Variants in ATP9A observed in about 807,000 individuals in gnomAD.
The protein encoded by ATP9A is probable phospholipid-transporting ATPase IIA.
ATP9A carries 52 observed loss-of-function variants against 144.1 expected under a neutral mutation model. The ratio of observed to expected loss-of-function variants is 0.36; its 90% CI spans 0.29 to 0.45. ATP9A has a LOEUF of 0.45. Ranked by LOEUF, ATP9A falls within the 20% of genes least tolerant of loss-of-function variation. The pLI is 1.00. For synonymous variants in ATP9A, 582 were observed against 557.4 expected (o/e 1.04, Z -0.62); for missense variants, 947 against 1,392.7 (o/e 0.68, Z 5.09).
At chr20:51,747,020 A>G (rs2077811548) in intron 1 of ATP9A, among the ~76,000 whole-genome samples, 1 of 152,048 alleles carries the variant, frequency 6.6e-6, no homozygotes, top group African/African-American at 2.4e-5. Context: ...AAAAGAGAAA[A>G]GAAAAAGGAG....
intron 19 of ATP9A, among the ~76,000 whole-genome samples, chr20:51,620,295 G>A (rs2077221436): frequency 6.6e-6 from 1 of 152,126 alleles, no homozygotes; most frequent in Non-Finnish European, 1.5e-5. Flanking sequence ...CTAGCACATA[G>A]GTCATTAGTT....
At chr20:51,753,762 G>A (rs763853432) in intron 1 of ATP9A, among the ~76,000 whole-genome samples, 15 of 150,318 alleles carry the variant, frequency 1.0e-4, no homozygotes, top group African/African-American at 3.7e-4. Flanking sequence ...CGCCTCCCAG[G>A]TTCAAGCAAT....
chr20:51,669,879 C>G (rs891269669), intron 13 of ATP9A, 118 bp downstream of exon 13: 1 of 727,446 alleles, frequency 1.4e-6, no homozygotes, highest in African/African-American at 1.8e-5. Flanking sequence ...TAAAAAAAAA[C>G]AATGAATTGT....
intron 7 of ATP9A, among the ~76,000 whole-genome samples, chr20:51,692,653 T>C (rs999228470): frequency 3.3e-5 from 5 of 151,988 alleles, no homozygotes; most frequent in African/African-American, 1.2e-4. Flanking sequence ...AATACAAATA[T>C]TAGCCGGGCG....
At chr20:51,621,813 G>A (rs2077228020) in intron 19 of ATP9A, among the ~76,000 whole-genome samples, 1 of 151,986 alleles carries the variant, frequency 6.6e-6, no homozygotes, top group Non-Finnish European at 1.5e-5. Flanking sequence ...CTTCTCAAAG[G>A]GACCACGACC....
At chr20:51,603,869 C>T (rs181361236) in intron 27 of ATP9A, among the ~76,000 whole-genome samples, 53 of 152,328 alleles carry the variant, frequency 3.5e-4, no homozygotes, top group African/African-American at 1.2e-3. Context: ...CAACCTTCGC[C>T]TCCCGGGTTC....
At chr20:51,622,862 G>A (rs951771823) in intron 18 of ATP9A, among the ~76,000 whole-genome samples, 27 of 152,156 alleles carry the variant, frequency 1.8e-4, no homozygotes, top group Admixed American at 2.6e-4. Flanking sequence ...GCTGGGAGCA[G>A]TCTTGGGGCT....
intron 1 of ATP9A, among the ~76,000 whole-genome samples, chr20:51,751,513 C>T (rs985805387): frequency 6.6e-6 from 1 of 152,078 alleles, no homozygotes; most frequent in Non-Finnish European, 1.5e-5. Context: ...CCTCCCACCT[C>T]CGCCTCTCAA....
chr20:51,712,792 G>A (rs758690471), intron 4 of ATP9A, among the ~76,000 whole-genome samples, 174 bp downstream of exon 4: 175 of 152,192 alleles, frequency 1.1e-3, no homozygotes, highest in Non-Finnish European at 2.0e-3. Context: ...GTGGGACCCC[G>A]TCAACCTGTC....
chr20:51,651,282 A>ATATATTATATAAT (rs1568803490), intron 14 of ATP9A, among the ~76,000 whole-genome samples: 18 of 83,862 alleles, frequency 2.1e-4, no homozygotes, highest in Non-Finnish European at 4.1e-4. Flanking sequence ...ATATTTACAT[A>ATATATTATATAAT]ATATATTATA....
At chr20:51,677,528 C>T (rs950283470) in intron 9 of ATP9A, among the ~76,000 whole-genome samples, 48 of 152,244 alleles carry the variant, frequency 3.2e-4, no homozygotes, top group African/African-American at 9.1e-4. Flanking sequence ...TGGGGAAAGG[C>T]GTGGCTTGCC....
chr20:51,618,707 C>T lies in ATP9A; in HGVS notation c.2305G>A (p.Val769Met), dbSNP rs188019595. 6.8e-6 allele frequency: 11 copies of T among 1,613,338 alleles called. No individual in the cohort carries two copies. The highest frequency in any genetic ancestry group is 2.2e-5 in the East Asian group (1 of 44,880). The change falls in exon 21 of 28, where the codon GTG (valine) becomes ATG (methionine). Residue 769 changes from valine to methionine, a missense_variant. Coordinates refer to ENST00000338821, the MANE Select transcript of ATP9A (RefSeq NM_006045.3). ...RCAPTQKAQI[V>M]RLLQERTGKL... ...CCCGTGCGCTCCTGAAGCAGGCGCA[C>T]GATCTGGGCCTTCTGGGTGGGGGCA...
chr20:51,653,225 A>G (rs1161172555), intron 14 of ATP9A, among the ~76,000 whole-genome samples: 3 of 152,088 alleles, frequency 2.0e-5, no homozygotes, highest in African/African-American at 7.2e-5. Context: ...TAGAAAAACA[A>G]GACAAATCTG....
At chr20:51,631,520 T>C (rs2077269859) in intron 15 of ATP9A, among the ~76,000 whole-genome samples, 3 of 152,200 alleles carry the variant, frequency 2.0e-5, no homozygotes, top group South Asian at 4.1e-4. Flanking sequence ...TTCTGTCCAA[T>C]ATAAATACCG....
chr20:51,614,163 A>AT (rs2077194525), intron 22 of ATP9A, among the ~76,000 whole-genome samples: 1 of 152,242 alleles, frequency 6.6e-6, no homozygotes, highest in Non-Finnish European at 1.5e-5. Context: ...TTAAGAGCTA[A>AT]TTAAACAAGA....
chr20:51,650,923 G>A (rs1307560277), intron 14 of ATP9A, among the ~76,000 whole-genome samples: 2 of 113,712 alleles, frequency 1.8e-5, no homozygotes, highest in African/African-American at 5.9e-5. Flanking sequence ...ACACACACAC[G>A]TATACCTGAA....
Position 51,732,132 on chromosome 20 carries a change from C to T in ATP9A, c.69-2154G>A, listed in dbSNP as rs986553314. 2.6e-5 allele frequency among the ~76,000 whole-genome samples: 4 copies of T among 152,274 alleles called. No homozygotes were observed. The East Asian group carries it at 7.7e-4, about 29-fold the overall frequency. On this transcript the variant is annotated intron_variant, in intron 1 of 27. Coordinates refer to ENST00000338821, the MANE Select transcript of ATP9A (RefSeq NM_006045.3). ...CACCCTCCCACGAGGCAAAGGAACACCTAGGAATCTGGGCTGCTCTGGCAA... is the reference window on the plus strand; with the variant it reads ...CACCCTCCCACGAGGCAAAGGAACATCTAGGAATCTGGGCTGCTCTGGCAA...
chr20:51,696,265 TCA>T (rs2077570553), intron 5 of ATP9A, 121 bp from the exon 6 acceptor site: 2 of 706,874 alleles, frequency 2.8e-6, no homozygotes, highest in African/African-American at 1.8e-5. Context: ...GGACTGAAAC[TCA>T]CAGACTCTTT....
At chr20:51,637,952 C>T (rs1485574059) in intron 15 of ATP9A, among the ~76,000 whole-genome samples, 5 of 150,184 alleles carry the variant, frequency 3.3e-5, no homozygotes, top group Admixed American at 1.3e-4. Context: ...TGAGAACATA[C>T]GACATTTGGC....
Sources: allele counts gnomAD v4.1 joint callset (sites outside exome capture counted in the v4.1 genomes callset), GRCh38; gene constraint gnomAD v4.1.1; transcripts MANE v1.5; gene names NCBI Gene and HGNC (gene_info 2026-07-23, HGNC 2026-07-21).